RHOBTB1: variants seen among roughly 807,000 people sequenced by gnomAD.
RHOBTB1 encodes the protein Rho related BTB domain containing 1.
In RHOBTB1, 40 loss-of-function variants were observed where a neutral mutation model predicts 71.6. The ratio of observed to expected loss-of-function variants is 0.56; its 90% CI spans 0.43 to 0.73. The LOEUF (loss-of-function observed/expected upper bound fraction) is 0.73. Among genes scored for constraint, RHOBTB1 ranks in the 30% least tolerant of loss-of-function variants. The probability of loss-of-function intolerance (pLI) is 0.00; values close to 1 mark genes in which losing one functional copy is unlikely to be tolerated. For synonymous variants in RHOBTB1, 319 were observed against 334.9 expected (o/e 0.95, Z 0.52); for missense variants, 797 against 894.0 (o/e 0.89, Z 1.38).
At chr10:60,982,457 T>A (rs1211418648) in intron 2 of RHOBTB1, among the ~76,000 whole-genome samples, 1 of 152,204 alleles carries the variant, frequency 6.6e-6, no homozygotes, top group African/African-American at 2.4e-5. Context: ...TACTTCACAT[T>A]ACTCCAGGGT....
intron 2 of RHOBTB1, among the ~76,000 whole-genome samples, chr10:60,927,608 TG>T (rs1458043882): frequency 1.3e-5 from 2 of 152,174 alleles, no homozygotes; most frequent in East Asian, 3.8e-4. Flanking sequence ...GAACATACAC[TG>T]GGGAAAAGGC....
chr10:60,958,675 T>C (rs766494205), intron 2 of RHOBTB1, among the ~76,000 whole-genome samples: 20 of 152,110 alleles, frequency 1.3e-4, no homozygotes, highest in Non-Finnish European at 2.6e-4. Flanking sequence ...ATGATCACAG[T>C]TCACTGCCTT....
intron 2 of RHOBTB1, among the ~76,000 whole-genome samples, chr10:60,969,919 G>T (rs976639536): frequency 6.6e-6 from 1 of 152,256 alleles, no homozygotes; most frequent in Non-Finnish European, 1.5e-5. Context: ...GGACACCTGA[G>T]AGAAGACTAT....
chr10:60,966,492 A>T (rs2134600197), intron 2 of RHOBTB1, among the ~76,000 whole-genome samples: 1 of 151,802 alleles, frequency 6.6e-6, no homozygotes, highest in African/African-American at 2.4e-5. Flanking sequence ...CAACATAGCC[A>T]GACCCTATCT....
chr10:60,910,018 C>A (rs898060219), intron 4 of RHOBTB1, among the ~76,000 whole-genome samples: 1 of 152,150 alleles, frequency 6.6e-6, no homozygotes, highest in Non-Finnish European at 1.5e-5. Flanking sequence ...GAGTAATTCA[C>A]GTGCTTGGAG....
intron 4 of RHOBTB1, among the ~76,000 whole-genome samples, chr10:60,909,032 A>G (rs2082828925): frequency 6.6e-6 from 1 of 152,196 alleles, no homozygotes; most frequent in African/African-American, 2.4e-5. Context: ...AGAACAATGC[A>G]CTTTGAACCG....
chr10:60,905,468 A>AAAAAAAAAAAC lies in RHOBTB1; in HGVS notation c.296+5418_296+5419insGTTTTTTTTTT, dbSNP rs2082628230. 1.3e-5 allele frequency among the ~76,000 whole-genome samples: 2 copies of AAAAAAAAAAAC among 151,368 alleles called. 1 individual carries two copies. The highest frequency in any genetic ancestry group is 2.9e-5 in the Non-Finnish European group (2 of 67,892). On this transcript the variant is annotated intron_variant, in intron 4 of 10. Transcript: ENST00000337910. ...CTTTCTCAAAAAAAAAAAAAAAAAA[A>AAAAAAAAAAAC]AAAAAAATTCAAATTAAGGCAAAAA...
chr10:60,893,104 T>TA, intron 4 of RHOBTB1, 109 bp from the exon 5 acceptor site: 1 of 746,248 alleles, frequency 1.3e-6, no homozygotes. Flanking sequence ...CATGTCACAA[T>TA]TAAAAAAAAA....
chr10:60,896,687 G>A (rs369963363), intron 4 of RHOBTB1, among the ~76,000 whole-genome samples: 4 of 152,108 alleles, frequency 2.6e-5, no homozygotes, highest in East Asian at 1.9e-4. Context: ...CCTTGCCCAC[G>A]GAATGTTTAT....
intron 4 of RHOBTB1, among the ~76,000 whole-genome samples, chr10:60,905,718 C>T (rs1041236215): frequency 7.9e-5 from 12 of 152,136 alleles, no homozygotes; most frequent in Admixed American, 7.9e-4. Context: ...TTTCACTGTG[C>T]AACGGGCTGC....
intron 2 of RHOBTB1, among the ~76,000 whole-genome samples, chr10:60,939,403 A>G (rs2084778705): frequency 6.6e-6 from 1 of 152,212 alleles, no homozygotes; most frequent in Non-Finnish European, 1.5e-5. Context: ...TAAAAAAATT[A>G]TGATGCTAAC....
At chr10:60,891,334 CTTT>C (rs756153141) in intron 5 of RHOBTB1, among the ~76,000 whole-genome samples, 67 of 71,316 alleles carry the variant, frequency 9.4e-4, no homozygotes, top group African/African-American at 3.6e-3. Flanking sequence ...TTGCTGTTTG[CTTT>C]TTTTTTTTTT....
chr10:60,997,934 G>A (rs774929198), intron 1 of RHOBTB1, among the ~76,000 whole-genome samples: 4 of 152,198 alleles, frequency 2.6e-5, no homozygotes, highest in Non-Finnish European at 5.9e-5. Flanking sequence ...TTATAAGTCA[G>A]AAGGCTTAGG....
intron 4 of RHOBTB1, among the ~76,000 whole-genome samples, chr10:60,909,467 T>G (rs1049451981): frequency 1.3e-5 from 2 of 152,194 alleles, no homozygotes; most frequent in African/African-American, 4.8e-5. Flanking sequence ...CATGACACTG[T>G]TTTAGAAGTG....
In RHOBTB1 at chr10:60,982,767, C is replaced by T. The variant is rs550906921; in HGVS notation, c.-62+3078G>A. Among the ~76,000 whole-genome samples, 3 of 152,274 alleles carry T rather than the reference C, an allele frequency of 2.0e-5. No individual in the cohort carries two copies. The East Asian group carries it at 5.8e-4, about 29-fold the overall frequency. On this transcript the variant is annotated intron_variant, in intron 2 of 11. Transcript: ENST00000357917. ...GACTCCCAGAGACTTATGTAAAATG[C>T]CTTTCTCACACATAGTAAGTTACAG...
In RHOBTB1 at chr10:60,912,637, C is replaced by T. The variant is rs540471156; in HGVS notation, c.-10-1085G>A. On this transcript the variant is annotated intron_variant, in intron 2 of 10. Transcript: ENST00000337910. ...GAACATATGGCAAAGAATAATTTTA[C>T]CAGGAGAGTTACTTTGGAATCTTCC... 1.3e-5 allele frequency: 2 copies of T among 152,172 alleles called. 1 individual carries two copies. Among genetic ancestry groups the T allele is most frequent in the South Asian group, 4.1e-4 (2 of 4,826 alleles). 9.4% of individuals were successfully genotyped at this position (152,172 alleles called of 1,614,324 possible). A position where few individuals can be genotyped will look rare whatever the true frequency, so the allele number is the denominator to read the frequency against.
Position 60,879,512 on chromosome 10 carries a change from A to AT in RHOBTB1, c.1576-1455dup, listed in dbSNP as rs529044775. On this transcript the variant is annotated intron_variant, in intron 7 of 10. Transcript: ENST00000337910. ...CACGCCCGGCTAATTTATTTTATTA[A>AT]TTTTTTTTTTTTGTAGAAATGGCGG... Among the ~76,000 whole-genome samples, 815 of 144,722 alleles carry AT rather than the reference A, an allele frequency of 5.6e-3. 7 individuals are homozygous for AT. The highest frequency in any genetic ancestry group is 0.017 in the African/African-American group (671 of 39,606). The allele number at this position is 144,722 out of a possible 152,430, so 94.9% of individuals were successfully genotyped here. A position where few individuals can be genotyped will look rare whatever the true frequency, so the allele number is the denominator to read the frequency against.
intron 4 of RHOBTB1, among the ~76,000 whole-genome samples, chr10:60,908,502 A>C (rs2082797020): frequency 6.6e-6 from 1 of 152,206 alleles, no homozygotes; most frequent in South Asian, 2.1e-4. Context: ...TGCAAAAACA[A>C]AAAAGGTTTG....
At chr10:60,980,982 T>C (rs2086476690) in intron 2 of RHOBTB1, among the ~76,000 whole-genome samples, 1 of 152,236 alleles carries the variant, frequency 6.6e-6, no homozygotes, top group South Asian at 2.1e-4. Flanking sequence ...ATCAACTATA[T>C]TAAAATATGC....
Sources: gnomAD v4.1 joint callset for allele counts (sites outside exome capture counted in the v4.1 genomes callset) on GRCh38, gnomAD v4.1.1 for gene constraint, MANE v1.5 for transcripts, NCBI Gene and HGNC (gene_info 2026-07-23, HGNC 2026-07-21) for gene names.